The following XPO4 variants were observed in gnomAD, a reference collection of about 807,000 sequenced individuals.
XPO4 encodes the protein exportin-4.
A neutral mutation model predicts 143.0 loss-of-function variants in XPO4; 39 were observed. The observed-to-expected ratio is 0.27, with a 90% confidence interval of 0.21 to 0.36. The LOEUF is 0.36. Among genes scored for constraint, XPO4 ranks in the 10% least tolerant of loss-of-function variants. The pLI is 1.00. For missense variants in XPO4, 907 were observed against 1,348.0 expected, an observed-to-expected ratio of 0.67 and a Z score of 5.12; for synonymous variants, 439 against 474.0, an observed-to-expected ratio of 0.93 and a Z score of 0.96.
intron 1 of XPO4, among the ~76,000 whole-genome samples, chr13:20,890,138 A>G (rs1188522802): frequency 6.6e-6 from 1 of 152,218 alleles, no homozygotes; most frequent in African/African-American, 2.4e-5. Flanking sequence ...GCTAGAACCT[A>G]TAAGAATTAT....
chr13:20,827,295 C>T, intron 6 of XPO4, 116 bp from the exon 7 acceptor site: 1 of 712,938 alleles, frequency 1.4e-6, no homozygotes, highest in Non-Finnish European at 2.5e-6. Context: ...CAGTTTAAGC[C>T]TCTTCACATA....
At chr13:20,902,207 G>A (rs1198710334) in intron 1 of XPO4, 3 of 985,220 alleles carry the variant, frequency 3.0e-6, no homozygotes, top group Non-Finnish European at 3.6e-6. Flanking sequence ...AGCGCTAGAG[G>A]ATGCGAATGC....
intron 4 of XPO4, chr13:20,852,709 C>T (rs1297767073): frequency 4.1e-6 from 4 of 978,720 alleles, no homozygotes. Context: ...AAGCAAGGTA[C>T]ACCACATCTA....
chr13:20,892,400 G>A (rs924859189), intron 1 of XPO4, among the ~76,000 whole-genome samples: 1 of 151,942 alleles, frequency 6.6e-6, no homozygotes, highest in Admixed American at 6.6e-5. Flanking sequence ...ATTTTATACT[G>A]TGTGAATTCA....
chr13:20,810,481 TTAGAGAAA>T (rs1349604585), intron 9 of XPO4, among the ~76,000 whole-genome samples: 1 of 152,204 alleles, frequency 6.6e-6, no homozygotes, highest in Non-Finnish European at 1.5e-5. Context: ...CTCATAATTA[TTAGAGAAA>T]TACCAAAAGT....
At chr13:20,799,033 AAAAG>A (rs552508976) in intron 16 of XPO4, 128 bp downstream of exon 16, 337 of 992,384 alleles carry the variant, frequency 3.4e-4, no homozygotes, top group African/African-American at 1.5e-3. Context: ...AAAAAAAAAA[AAAAG>A]AAAGAAAGAA....
rs201452439 is a variant in XPO4 at position 20,827,058 on chromosome 13, A to C, written c.840+9T>G. The stretch of plus-strand genomic sequence containing the variant: ...GCTCTTGCTACCAGAGATGAAGACT[A>C]AAACTTACTGTGAAGAAAAGCTCCA... On this transcript the variant is annotated intron_variant, in intron 7 of 22. Transcript: ENST00000255305. 2 of 1,599,466 alleles carry C rather than the reference A, an allele frequency of 1.3e-6. No individual in the cohort carries two copies. Among genetic ancestry groups the C allele is most frequent in the African/African-American group, 1.3e-5 (1 of 74,652 alleles).
intron 1 of XPO4, among the ~76,000 whole-genome samples, chr13:20,883,884 C>T (rs543637204): frequency 1.3e-5 from 2 of 152,192 alleles, no homozygotes; most frequent in South Asian, 2.1e-4. Flanking sequence ...TCTCCTGCCT[C>T]AGCCTCCCGA....
At chr13:20,826,647 C>T (rs998032444) in intron 7 of XPO4, among the ~76,000 whole-genome samples, 10 of 152,190 alleles carry the variant, frequency 6.6e-5, no homozygotes, top group African/African-American at 2.2e-4. Context: ...ATTAAACTTG[C>T]TTCGTTTTCA....
At chr13:20,861,773 CTCTCTTT>C (rs2060201093) in intron 3 of XPO4, among the ~76,000 whole-genome samples, 2 of 126,464 alleles carry the variant, frequency 1.6e-5, no homozygotes, top group Admixed American at 1.7e-4. Context: ...TTGCACATTT[CTCTCTTT>C]TTTTTTTTTT....
At chr13:20,813,060 G>A (rs1036071931) in intron 9 of XPO4, among the ~76,000 whole-genome samples, 6 of 152,152 alleles carry the variant, frequency 3.9e-5, no homozygotes, top group Non-Finnish European at 8.8e-5. Context: ...TACAATCATG[G>A]TGGAAGGCGA....
At chr13:20,785,911 A>AGTG (rs1566551964) in intron 22 of XPO4, among the ~76,000 whole-genome samples, 1 of 101,012 alleles carries the variant, frequency 9.9e-6, no homozygotes, top group Non-Finnish European at 1.8e-5. Flanking sequence ...AGGAGGGAGG[A>AGTG]AGGAAGGAAG....
At chr13:20,856,322 C>T (rs2060143691) in intron 3 of XPO4, 1 of 985,222 alleles carries the variant, frequency 1.0e-6, no homozygotes, top group Non-Finnish European at 1.2e-6. Context: ...GTAAAACACA[C>T]ACACACAAAC....
chr13:20,897,150 A>C (rs1366461248), intron 1 of XPO4, among the ~76,000 whole-genome samples: 1 of 152,208 alleles, frequency 6.6e-6, no homozygotes, highest in Non-Finnish European at 1.5e-5. Context: ...ATAAACAAAA[A>C]TGCATACTTA....
At chr13:20,874,150 A>T (rs182721200) in intron 1 of XPO4, among the ~76,000 whole-genome samples, 1 of 152,318 alleles carries the variant, frequency 6.6e-6, no homozygotes, top group Admixed American at 6.5e-5. Context: ...AACATCTCTC[A>T]GATACCTAGT....
intron 2 of XPO4, among the ~76,000 whole-genome samples, chr13:20,864,031 C>T (rs1051358358): frequency 2.0e-5 from 3 of 152,002 alleles, no homozygotes; most frequent in South Asian, 2.1e-4. Context: ...CATACCAAAA[C>T]CACTAAGAGA....
chr13:20,849,586 A>C (rs965758265), intron 4 of XPO4: 100 of 985,306 alleles, frequency 1.0e-4, no homozygotes, highest in Non-Finnish European at 1.2e-4. Flanking sequence ...TGAAATAACC[A>C]CGTAACCTTT....
intron 4 of XPO4, chr13:20,849,114 A>C: frequency 2.0e-6 from 2 of 985,444 alleles, no homozygotes; most frequent in Non-Finnish European, 2.4e-6. Context: ...CAGCTGACAA[A>C]ATAAAATACT....
chr13:20,799,750 A>G (rs1352499992), intron 15 of XPO4, among the ~76,000 whole-genome samples: 1 of 152,240 alleles, frequency 6.6e-6, no homozygotes, highest in Admixed American at 6.5e-5. Context: ...CAACGAAAAC[A>G]TTTCTAGAAT....
Sources: allele counts gnomAD v4.1 joint callset (sites outside exome capture counted in the v4.1 genomes callset), GRCh38; gene constraint gnomAD v4.1.1; transcripts MANE v1.5; gene names NCBI Gene and HGNC (gene_info 2026-07-23, HGNC 2026-07-21).